Variants in RDH11 observed in about 807,000 individuals in gnomAD.
RDH11 encodes retinol dehydrogenase 11, also known as HCV core-binding protein HCBP12.
In RDH11, 19 loss-of-function variants were observed where a neutral mutation model predicts 33.4. That is an observed-to-expected ratio of 0.57 (90% CI 0.40 to 0.83). The LOEUF is 0.83. RDH11 is among the 40% of genes least tolerant of loss of function. The probability of loss-of-function intolerance (pLI) is 0.00; values close to 1 mark genes in which losing one functional copy is unlikely to be tolerated. For synonymous variants in RDH11, 154 were observed against 155.3 expected (o/e 0.99, Z 0.06); for missense variants, 353 against 389.0 (o/e 0.91, Z 0.78).
intron 1 of RDH11, among the ~76,000 whole-genome samples, chr14:67,694,431 AATAT>A (rs144995720): frequency 6.4e-5 from 9 of 140,022 alleles, no homozygotes; most frequent in Admixed American, 7.4e-5. Context: ...CAGCTCCTGG[AATAT>A]ATATATATAT....
intron 5 of RDH11, among the ~76,000 whole-genome samples, chr14:67,687,091 G>C (rs938067267): frequency 7.2e-5 from 11 of 152,160 alleles, no homozygotes; most frequent in African/African-American, 2.7e-4. Flanking sequence ...CCTAAAGCAT[G>C]CATCTCCAGT....
chr14:67,680,064 T>C (rs1363843348), intron 6 of RDH11, among the ~76,000 whole-genome samples: 1 of 152,180 alleles, frequency 6.6e-6, no homozygotes, highest in Non-Finnish European at 1.5e-5. Context: ...TTGTTAGAAA[T>C]TCTCCAGCCC....
At position 67,691,222 on chromosome 14, in the gene RDH11, C is replaced by G. The variant is rs769763187; in HGVS notation, c.372G>C (p.Leu124Phe). The G allele has an allele frequency of 1.4e-5, 23 of 1,613,720 alleles. No individual in the cohort carries two copies. Among genetic ancestry groups the G allele is most frequent in the Non-Finnish European group, 1.9e-5 (23 of 1,179,908 alleles). Residue 124 changes from leucine (L) to phenylalanine (F), a missense_variant, in exon 4 of 7, where the codon TTG becomes TTC. Physicochemically the swap from Leu to Phe is conservative, Grantham distance 22. Transcript: ENST00000381346. ...FLAEEKHLHVLINNAGVMMCP... is the reference protein window; with the variant it reads ...FLAEEKHLHVFINNAGVMMCP... ...ACATCATCACTCCTGCATTGTTGAT[C>G]AAAACGTGGAGGTGCTTTTCCTCTG...
intron 5 of RDH11, among the ~76,000 whole-genome samples, chr14:67,687,578 TCTC>T (rs886286755): frequency 6.6e-6 from 1 of 150,668 alleles, no homozygotes; most frequent in African/African-American, 2.4e-5. Context: ...TTCAAGCAAT[TCTC>T]CTGCCTCAGC....
intron 6 of RDH11, among the ~76,000 whole-genome samples, chr14:67,680,216 A>G (rs1176477005): frequency 6.6e-6 from 1 of 152,236 alleles, no homozygotes; most frequent in Non-Finnish European, 1.5e-5. Context: ...AACAAGTCTT[A>G]TCAGTACTTC....
intron 5 of RDH11, among the ~76,000 whole-genome samples, chr14:67,689,672 G>A (rs762989404): frequency 6.6e-6 from 1 of 152,096 alleles, no homozygotes; most frequent in Non-Finnish European, 1.5e-5. Context: ...GGCCAGGTGC[G>A]GTGGCTCACA....
intron 6 of RDH11, among the ~76,000 whole-genome samples, chr14:67,678,920 C>T (rs2037577606): frequency 6.6e-6 from 1 of 151,812 alleles, no homozygotes; most frequent in East Asian, 1.9e-4. Context: ...AAGCCAGCTT[C>T]GAAAACAACA....
At chr14:67,694,465 C>CACACAT (rs1484366011) in intron 1 of RDH11, among the ~76,000 whole-genome samples, 1 of 103,096 alleles carries the variant, frequency 9.7e-6, no homozygotes, top group African/African-American at 2.9e-5. Context: ...CACACACACA[C>CACACAT]ATATATATAT....
intron 5 of RDH11, among the ~76,000 whole-genome samples, chr14:67,688,383 A>G (rs1241194692): frequency 3.3e-5 from 5 of 152,224 alleles, no homozygotes; most frequent in Non-Finnish European, 7.3e-5. Flanking sequence ...GGGTAAATCC[A>G]TATGTACTAA....
chr14:67,694,624 A>G lies in RDH11; in HGVS notation c.74+1006T>C, dbSNP rs2140088280. ...GGATAAGAGGATCTTGTAGTGAAAAAAAGATAAAAAGCAGTGTTTTCATCT... is the reference window on the plus strand; with the variant it reads ...GGATAAGAGGATCTTGTAGTGAAAAGAAGATAAAAAGCAGTGTTTTCATCT... On this transcript the variant is annotated intron_variant, in intron 1 of 6. Transcript: ENST00000381346. Among the ~76,000 whole-genome samples, 3 of 152,172 alleles carry G rather than the reference A, an allele frequency of 2.0e-5. No individual in the cohort carries two copies. In the Middle Eastern group the frequency reaches 0.01, roughly 518 times the overall value.
At chr14:67,695,357 G>T (rs1171799537) in intron 1 of RDH11, among the ~76,000 whole-genome samples, 1 of 152,134 alleles carries the variant, frequency 6.6e-6, no homozygotes, top group African/African-American at 2.4e-5. Context: ...GGATTCCCTG[G>T]AGCCAGAATC....
intron 5 of RDH11, among the ~76,000 whole-genome samples, chr14:67,685,479 A>C (rs2037666676): frequency 6.6e-6 from 1 of 152,188 alleles, no homozygotes; most frequent in Non-Finnish European, 1.5e-5. Flanking sequence ...GCAGCACTTA[A>C]CATCGTTGAC....
At chr14:67,680,566 C>T (rs544533742) in intron 6 of RDH11, among the ~76,000 whole-genome samples, 49 of 152,304 alleles carry the variant, frequency 3.2e-4, no homozygotes, top group African/African-American at 1.2e-3. Flanking sequence ...TCAGGTGATC[C>T]TCCTATCTCA....
At chr14:67,695,555 T>G in intron 1 of RDH11, 75 bp downstream of exon 1, 1 of 1,461,066 alleles carries the variant, frequency 6.8e-7, no homozygotes, top group Non-Finnish European at 9.4e-7. Flanking sequence ...CCAAGAAAGC[T>G]TTGGTGGGGA....
rs755138881 is a variant in RDH11, at chr14:67,691,263, G to A, written c.350-19C>T. 8 of 1,587,026 alleles carry A rather than the reference G, an allele frequency of 5.0e-6. No individual in the cohort carries two copies. The highest frequency in any genetic ancestry group is 6.9e-6 in the Non-Finnish European group (8 of 1,156,456). ...TTTTCCTCTGCAGGGACAAGACGATGGAGCGTGGAAGTGGCTAGCCAAGGC... is the reference window on the plus strand; with the variant it reads ...TTTTCCTCTGCAGGGACAAGACGATAGAGCGTGGAAGTGGCTAGCCAAGGC... On this transcript the variant is annotated intron_variant, in intron 3 of 6. Transcript: ENST00000381346.
chr14:67,692,258 G>A, intron 3 of RDH11, 180 bp downstream of exon 3: 1 of 643,318 alleles, frequency 1.6e-6, no homozygotes, highest in South Asian at 1.9e-5. Context: ...TTTTGTTTCT[G>A]CCTCTGGAAG....
chr14:67,690,445 T>C, intron 4 of RDH11, 24 bp from the exon 5 acceptor site: 9 of 1,604,020 alleles, frequency 5.6e-6, no homozygotes, highest in Non-Finnish European at 7.7e-6. Context: ...CTAGAATTAA[T>C]GAAGTTCAGG....
chr14:67,683,547 C>T (rs11626129), intron 6 of RDH11, among the ~76,000 whole-genome samples: 144,620 of 152,260 alleles, frequency 0.95, 69,040 homozygotes, highest in Non-Finnish European at 1. Flanking sequence ...TCTGCAGAAT[C>T]ACCTTTTCCC....
intron 4 of RDH11, 182 bp from the exon 5 acceptor site, chr14:67,690,603 C>T (rs1257822354): frequency 1.7e-6 from 1 of 595,868 alleles, no homozygotes; most frequent in African/African-American, 1.9e-5. Flanking sequence ...CAGCCAAAGA[C>T]ATGAGGCATC....
Sources: gnomAD v4.1 joint callset for allele counts (sites outside exome capture counted in the v4.1 genomes callset) on GRCh38, gnomAD v4.1.1 for gene constraint, MANE v1.5 for transcripts, NCBI Gene and HGNC (gene_info 2026-07-23, HGNC 2026-07-21) for gene names.